SEMA3C: variants seen among roughly 807,000 people sequenced by gnomAD.
SEMA3C encodes the protein semaphorin 3C, also known as semaphorin-3C.
A neutral mutation model predicts 89.4 loss-of-function variants in SEMA3C; 47 were observed. That is an observed-to-expected ratio of 0.53 (90% CI 0.42 to 0.67). The LOEUF is 0.67. Ranked by LOEUF, SEMA3C falls within the 30% of genes least tolerant of loss-of-function variation. SEMA3C has a pLI of 0.00. For missense variants in SEMA3C, 839 were observed against 929.1 expected, an observed-to-expected ratio of 0.90 and a Z score of 1.26; for synonymous variants, 310 against 320.2, an observed-to-expected ratio of 0.97 and a Z score of 0.34.
chr7:80,802,716 C>T lies in SEMA3C; in HGVS notation c.865G>A (p.Val289Met), dbSNP rs758252133. The stretch of plus-strand genomic sequence containing the variant: ...CCGTCTTCATCTGTTACCGAGCACA[C>T]CAGCCTCGCCTTTAAGAAAGTGGTC... ...KWTTFLKARLVCSVTDEDGPE... is the reference protein window; with the variant it reads ...KWTTFLKARLMCSVTDEDGPE... The change falls in exon 9 of 18, where the codon GTG becomes ATG. Residue 289 changes from valine to methionine, a missense_variant. By Grantham distance (21) the Val-to-Met change is conservative. Coordinates refer to ENST00000265361, the MANE Select transcript of SEMA3C (RefSeq NM_006379.5). The T allele has an allele frequency of 3.1e-6, 5 of 1,613,476 alleles. No homozygotes were observed. The highest frequency in any genetic ancestry group is 4.2e-6 in the Non-Finnish European group (5 of 1,179,612).
intron 13 of SEMA3C, among the ~76,000 whole-genome samples, chr7:80,762,332 A>C (rs1288443397): frequency 6.6e-6 from 1 of 152,164 alleles, no homozygotes; most frequent in Non-Finnish European, 1.5e-5. Context: ...TGTTTCGGAA[A>C]GACAATATAT....
rs377018598 is a variant in SEMA3C, at chr7:80,861,188, A to G, written c.104-32443T>C. ...CCTGTTCAGAAAAACTTCGATTATTAAGAATTATTCCTAAAGCATCAGTTT... is the reference window on the plus strand; with the variant it reads ...CCTGTTCAGAAAAACTTCGATTATTGAGAATTATTCCTAAAGCATCAGTTT... On this transcript the variant is annotated intron_variant, in intron 2 of 17. Coordinates refer to ENST00000265361, the MANE Select transcript of SEMA3C (RefSeq NM_006379.5). 1.5e-3 allele frequency among the ~76,000 whole-genome samples: 231 copies of G among 152,282 alleles called. 1 individual carries two copies. The highest frequency in any genetic ancestry group is 5.1e-3 in the African/African-American group (211 of 41,562).
At chr7:80,912,101 A>T (rs983889244) in intron 2 of SEMA3C, among the ~76,000 whole-genome samples, 1 of 152,186 alleles carries the variant, frequency 6.6e-6, no homozygotes, top group Non-Finnish European at 1.5e-5. Flanking sequence ...CAACAGAATC[A>T]AGCTTATTAT....
chr7:80,856,399 C>T (rs886187789), intron 2 of SEMA3C, among the ~76,000 whole-genome samples: 8 of 151,582 alleles, frequency 5.3e-5, no homozygotes, highest in African/African-American at 7.3e-5. Flanking sequence ...TGTGAACTAA[C>T]GAAATGATAA....
intron 2 of SEMA3C, among the ~76,000 whole-genome samples, chr7:80,878,327 G>A (rs1178092400): frequency 2.0e-5 from 3 of 152,104 alleles, no homozygotes; most frequent in Non-Finnish European, 4.4e-5. Context: ...GCGGTGAGCC[G>A]AGATTGCACC....
chr7:80,852,158 A>G (rs1011476427), intron 2 of SEMA3C, among the ~76,000 whole-genome samples: 3 of 152,202 alleles, frequency 2.0e-5, no homozygotes, highest in African/African-American at 7.2e-5. Flanking sequence ...GGTTGGAAGC[A>G]GACGAACCCC....
At chr7:80,917,352 TC>T (rs1386195406) in intron 1 of SEMA3C, among the ~76,000 whole-genome samples, 1 of 152,176 alleles carries the variant, frequency 6.6e-6, no homozygotes, top group Admixed American at 6.5e-5. Context: ...CAATCCTGGA[TC>T]ACTGAAGTCA....
chr7:80,789,096 A>G (rs1396725923), intron 12 of SEMA3C, among the ~76,000 whole-genome samples: 5 of 152,052 alleles, frequency 3.3e-5, no homozygotes, highest in African/African-American at 1.2e-4. Context: ...CTCTATATAT[A>G]TTCCTCACAA....
chr7:80,873,594 T>C (rs1053639056), intron 2 of SEMA3C, among the ~76,000 whole-genome samples: 6 of 152,164 alleles, frequency 3.9e-5, no homozygotes, highest in Admixed American at 3.3e-4. Context: ...ACCATCCCTA[T>C]TGCATTTTCA....
intron 14 of SEMA3C, among the ~76,000 whole-genome samples, chr7:80,760,088 T>C (rs1458230223): frequency 6.6e-6 from 1 of 152,186 alleles, no homozygotes; most frequent in African/African-American, 2.4e-5. Flanking sequence ...GTTATTTAAA[T>C]ACACATAAGA....
At chr7:80,823,782 T>C (rs1789809036) in intron 4 of SEMA3C, among the ~76,000 whole-genome samples, 1 of 152,136 alleles carries the variant, frequency 6.6e-6, no homozygotes, top group African/African-American at 2.4e-5. Flanking sequence ...AGTATTTACA[T>C]AGTACATCCA....
intron 11 of SEMA3C, among the ~76,000 whole-genome samples, chr7:80,790,034 T>C (rs1365416540): frequency 6.6e-6 from 1 of 152,130 alleles, no homozygotes; most frequent in Non-Finnish European, 1.5e-5. Context: ...CCTGTAATCC[T>C]AGCACTTTGG....
chr7:80,804,498 T>A (rs1789290814), intron 7 of SEMA3C, among the ~76,000 whole-genome samples: 1 of 152,116 alleles, frequency 6.6e-6, no homozygotes, highest in African/African-American at 2.4e-5. Flanking sequence ...ATTGAAAAAC[T>A]TTTCTACCAG....
chr7:80,847,540 A>G (rs1790418088), intron 2 of SEMA3C, among the ~76,000 whole-genome samples: 1 of 152,168 alleles, frequency 6.6e-6, no homozygotes, highest in African/African-American at 2.4e-5. Flanking sequence ...ACTCTCTGCC[A>G]GCTACAGAGG....
rs2117027596 is a variant in SEMA3C at position 80,749,001 on chromosome 7, T to C, written c.1739A>G (p.Gln580Arg). 1 of 1,610,828 alleles carries C rather than the reference T, an allele frequency of 6.2e-7. No homozygotes were observed. The highest frequency in any genetic ancestry group is 8.5e-7 in the Non-Finnish European group (1 of 1,178,912). ...AGTGGTGTTATTTTTTACTCCATAC[T>C]GGACAATTTCAGCTGCATTTCTGTA... ...KAYRNAAEIVQYGVKNNTTFL... is the reference protein window; with the variant it reads ...KAYRNAAEIVRYGVKNNTTFL... Residue 580 changes from glutamine (Q) to arginine (R), a missense_variant, in exon 17 of 18, where the codon CAG becomes CGG. By Grantham distance (43) the Gln-to-Arg change is conservative. Transcript: ENST00000265361.
At chr7:80,867,366 A>G (rs1009803304) in intron 2 of SEMA3C, among the ~76,000 whole-genome samples, 3 of 152,072 alleles carry the variant, frequency 2.0e-5, no homozygotes, top group African/African-American at 7.2e-5. Context: ...TTCCTAAAGT[A>G]GTGGGATTAC....
chr7:80,771,472 G>A (rs1788432178), intron 12 of SEMA3C, among the ~76,000 whole-genome samples: 1 of 152,084 alleles, frequency 6.6e-6, no homozygotes, highest in African/African-American at 2.4e-5. Context: ...CTTCCTTCCT[G>A]CCTTATTTTA....
intron 3 of SEMA3C, among the ~76,000 whole-genome samples, chr7:80,827,775 T>C (rs1199055146): frequency 2.0e-5 from 3 of 152,124 alleles, no homozygotes; most frequent in Non-Finnish European, 4.4e-5. Flanking sequence ...ATGTGAACAA[T>C]ACAATTTTTC....
intron 7 of SEMA3C, among the ~76,000 whole-genome samples, chr7:80,804,622 T>G (rs922943896): frequency 6.6e-6 from 1 of 152,010 alleles, no homozygotes; most frequent in Non-Finnish European, 1.5e-5. Context: ...GAATGAGGAG[T>G]TGGAAGTCCA....
Sources: gnomAD v4.1 joint callset for allele counts (sites outside exome capture counted in the v4.1 genomes callset) on GRCh38, gnomAD v4.1.1 for gene constraint, MANE v1.5 for transcripts, NCBI Gene and HGNC (gene_info 2026-07-23, HGNC 2026-07-21) for gene names.